AKT3: variants seen among roughly 807,000 people sequenced by gnomAD.
The protein encoded by AKT3 is AKT serine/threonine kinase 3, also known as RAC-gamma serine/threonine-protein kinase.
Under a neutral mutation model 65.3 loss-of-function variants are expected in AKT3, and 15 were observed. The ratio of observed to expected loss-of-function variants is 0.23; its 90% CI spans 0.15 to 0.35. The LOEUF (loss-of-function observed/expected upper bound fraction) is 0.35, where lower values mean the gene tolerates loss of function less well. Among genes scored for constraint, AKT3 ranks in the 10% least tolerant of loss-of-function variants. AKT3 has a pLI of 1.00. For synonymous variants in AKT3, 206 were observed against 183.8 expected (o/e 1.12, Z -0.98); for missense variants, 243 against 576.5 (o/e 0.42, Z 5.92).
intron 2 of AKT3, among the ~76,000 whole-genome samples, chr1:243,710,457 T>A (rs887030366): frequency 2.6e-5 from 4 of 152,218 alleles, no homozygotes; most frequent in African/African-American, 9.6e-5. Flanking sequence ...AAGTGAGCGT[T>A]ATTTTTCTAG....
chr1:243,663,043 T>C (rs888401568), intron 4 of AKT3, among the ~76,000 whole-genome samples: 9 of 152,184 alleles, frequency 5.9e-5, no homozygotes, highest in Non-Finnish European at 1.2e-4. Flanking sequence ...AGAATATATA[T>C]TGACATGGGA....
chr1:243,610,539 T>C (rs921955926), intron 8 of AKT3, among the ~76,000 whole-genome samples: 5 of 152,262 alleles, frequency 3.3e-5, no homozygotes, highest in Admixed American at 2.0e-4. Flanking sequence ...CGGACTGTTT[T>C]ATCTGTCTTA....
At chr1:243,800,447 C>CA (rs1290603580) in intron 2 of AKT3, among the ~76,000 whole-genome samples, 6 of 152,342 alleles carry the variant, frequency 3.9e-5, no homozygotes, top group Middle Eastern at 3.4e-3. Context: ...GGGCCAGGTG[C>CA]AGTGGCTCAC....
At chr1:243,781,022 A>C (rs1690876196) in intron 2 of AKT3, among the ~76,000 whole-genome samples, 1 of 152,140 alleles carries the variant, frequency 6.6e-6, no homozygotes, top group Non-Finnish European at 1.5e-5. Context: ...TTTTTAAAAA[A>C]TCCAAATAAT....
At chr1:243,832,160 A>AAAAAT (rs1572424209) in intron 2 of AKT3, among the ~76,000 whole-genome samples, 1 of 84,612 alleles carries the variant, frequency 1.2e-5, no homozygotes, top group East Asian at 3.3e-4. Flanking sequence ...AAAAAAAAAA[A>AAAAAT]AAAAGACTAG....
rs1341485944 is a variant in AKT3 at position 243,707,261 on chromosome 1, C to T, written c.47-11545G>A. 5.3e-5 allele frequency among the ~76,000 whole-genome samples: 8 copies of T among 152,100 alleles called. No homozygotes were observed. In the East Asian group the frequency reaches 1.5e-3, roughly 29 times the overall value. Reference sequence around the variant, plus strand: ...ATAAAATGGAATTTCTTTAATTTGTCTAGACTATCACTATTGCACATTAGC... The same window carrying T: ...ATAAAATGGAATTTCTTTAATTTGTTTAGACTATCACTATTGCACATTAGC... On this transcript the variant is annotated intron_variant, in intron 2 of 13. Coordinates refer to ENST00000673466, the MANE Select transcript of AKT3 (RefSeq NM_005465.7).
Position 243,503,492 on chromosome 1 carries a change from G to A in AKT3, c.*1757C>T, listed in dbSNP as rs761715712. On this transcript the variant is annotated 3_prime_UTR_variant, in exon 14 of 14. Transcript: ENST00000673466. ...AAATACATTTCCATGATCACTCCGCGGAGTAGGATGGCCTTCTGCTTGCCG... is the reference window on the plus strand; with the variant it reads ...AAATACATTTCCATGATCACTCCGCAGAGTAGGATGGCCTTCTGCTTGCCG... 5.1e-5 allele frequency: 12 copies of A among 233,302 alleles called. No homozygotes were observed. Among genetic ancestry groups the A allele is most frequent in the African/African-American group, 1.5e-4 (7 of 45,294 alleles). The allele number at this position is 233,302 out of a possible 1,614,324, so 14.5% of individuals were successfully genotyped here. A position where few individuals can be genotyped will look rare whatever the true frequency, so the allele number is the denominator to read the frequency against.
intron 2 of AKT3, chr1:243,818,207 A>G: frequency 6.6e-6 from 1 of 152,230 alleles, no homozygotes; most frequent in Admixed American, 6.5e-5. Flanking sequence ...ACATTTATGG[A>G]ACACTTACTA....
chr1:243,754,807 GC>G (rs896292140), intron 2 of AKT3, among the ~76,000 whole-genome samples: 2 of 152,142 alleles, frequency 1.3e-5, no homozygotes, highest in African/African-American at 2.4e-5. Flanking sequence ...CATGAAAGCA[GC>G]CCCCGGTGCC....
At chr1:243,784,742 C>T (rs1691139383) in intron 2 of AKT3, among the ~76,000 whole-genome samples, 1 of 152,142 alleles carries the variant, frequency 6.6e-6, no homozygotes, top group African/African-American at 2.4e-5. Context: ...TTGGTCCACG[C>T]ACAGTAGCCA....
chr1:243,832,656 T>C (rs1408656930), intron 2 of AKT3, among the ~76,000 whole-genome samples: 1 of 152,102 alleles, frequency 6.6e-6, no homozygotes, highest in Non-Finnish European at 1.5e-5. Flanking sequence ...CTCAAGGCGC[T>C]CTCCCATTCC....
chr1:243,797,545 T>C (rs1692097005), intron 2 of AKT3, among the ~76,000 whole-genome samples: 1 of 152,174 alleles, frequency 6.6e-6, no homozygotes, highest in African/African-American at 2.4e-5. Flanking sequence ...AGAGAAAACT[T>C]GCTATTTATG....
intron 12 of AKT3, among the ~76,000 whole-genome samples, chr1:243,521,230 A>G (rs1391442951): frequency 2.6e-5 from 4 of 152,226 alleles, no homozygotes; most frequent in Non-Finnish European, 4.4e-5. Flanking sequence ...GTTGGCATAT[A>G]GGGTCCAAAA....
chr1:243,510,694 A>G (rs1308091579), intron 13 of AKT3, among the ~76,000 whole-genome samples: 3 of 152,184 alleles, frequency 2.0e-5, no homozygotes, highest in Non-Finnish European at 4.4e-5. Context: ...GGAAGATGGA[A>G]CAGGAAGAGG....
chr1:243,619,569 G>A (rs1426716136), intron 6 of AKT3, among the ~76,000 whole-genome samples: 1 of 98,218 alleles, frequency 1.0e-5, no homozygotes, highest in African/African-American at 2.6e-5. Flanking sequence ...CCGTTTTTTA[G>A]CTCCCACATA....
intron 4 of AKT3, among the ~76,000 whole-genome samples, chr1:243,657,080 T>G (rs1160508279): frequency 6.6e-6 from 1 of 152,226 alleles, no homozygotes; most frequent in Non-Finnish European, 1.5e-5. Flanking sequence ...TTTGGGTTAC[T>G]TAACCCCAAA....
At chr1:243,511,564 G>A (rs555426895) in intron 13 of AKT3, among the ~76,000 whole-genome samples, 2 of 152,218 alleles carry the variant, frequency 1.3e-5, no homozygotes, top group Admixed American at 1.3e-4. Flanking sequence ...ACCCAAAGAT[G>A]TGTAACTTGA....
chr1:243,752,591 G>C (rs1688875607), intron 2 of AKT3, among the ~76,000 whole-genome samples: 1 of 151,966 alleles, frequency 6.6e-6, no homozygotes, highest in African/African-American at 2.4e-5. Context: ...TCTTAGATTT[G>C]GTATTTTCAA....
chr1:243,635,629 A>G (rs1019614979), intron 6 of AKT3, among the ~76,000 whole-genome samples: 1 of 152,134 alleles, frequency 6.6e-6, no homozygotes, highest in East Asian at 1.9e-4. Flanking sequence ...TTAGTACCTA[A>G]AAGTTTAAGA....
Sources: gnomAD v4.1 joint callset for allele counts (sites outside exome capture counted in the v4.1 genomes callset) on GRCh38, gnomAD v4.1.1 for gene constraint, MANE v1.5 for transcripts, NCBI Gene and HGNC (gene_info 2026-07-23, HGNC 2026-07-21) for gene names.